CHAT: variants seen among roughly 807,000 people sequenced by gnomAD.
The protein encoded by CHAT is acetyl CoA:choline O-acetyltransferase.
A neutral mutation model predicts 76.9 loss-of-function variants in CHAT; 61 were observed. The observed-to-expected ratio is 0.79, with a 90% CI of 0.65 to 0.98. CHAT has a LOEUF of 0.98. CHAT is among the 50% of genes least tolerant of loss of function. CHAT has a pLI of 0.00. For synonymous variants in CHAT, 407 were observed against 397.4 expected, an observed-to-expected ratio of 1.02 and a Z score of -0.29; for missense variants, 946 against 986.9, an observed-to-expected ratio of 0.96 and a Z score of 0.56.
upstream of CHAT, chr10:49,611,313 C>T: frequency 6.2e-7 from 1 of 1,606,016 alleles, no homozygotes; most frequent in Non-Finnish European, 8.5e-7. Flanking sequence ...GCTCAGCCTT[C>T]GCCGACACGT....
At chr10:49,651,597 C>G (rs749876651) in intron 10 of CHAT, 1 of 436,796 alleles carries the variant, frequency 2.3e-6, no homozygotes, top group Admixed American at 3.5e-5. Context: ...CCCTGACTCA[C>G]TAACACAGCC....
chr10:49,633,307 C>A (rs1008789835), intron 7 of CHAT, among the ~76,000 whole-genome samples: 2 of 152,220 alleles, frequency 1.3e-5, no homozygotes, highest in Non-Finnish European at 2.9e-5. Context: ...CAGGCTGGGA[C>A]CTGCTTACTC....
intron 10 of CHAT, among the ~76,000 whole-genome samples, chr10:49,650,338 C>A (rs1839836032): frequency 1.3e-5 from 2 of 152,082 alleles, no homozygotes; most frequent in Admixed American, 6.5e-5. Flanking sequence ...GACTCCCAGG[C>A]CAAAACATGT....
At chr10:49,610,758 T>C (rs1321656402), upstream of CHAT, 6 of 1,536,528 alleles carry the variant, frequency 3.9e-6, no homozygotes, top group South Asian at 1.3e-5. Context: ...CCGCGGAACC[T>C]GCGGGCCAGG....
chr10:49,642,764 C>T (rs1839528006), intron 7 of CHAT, among the ~76,000 whole-genome samples: 1 of 152,260 alleles, frequency 6.6e-6, no homozygotes, highest in East Asian at 1.9e-4. Flanking sequence ...TAAGCCAGGG[C>T]TCTCAGAGTT....
At chr10:49,633,179 G>C (rs1839182689) in intron 7 of CHAT, among the ~76,000 whole-genome samples, 1 of 152,200 alleles carries the variant, frequency 6.6e-6, no homozygotes, top group African/African-American at 2.4e-5. Flanking sequence ...GGATTGTCTA[G>C]AGCATTCCTT....
At chr10:49,616,014 C>G (rs754875460) in intron 1 of CHAT, 1 of 1,611,066 alleles carries the variant, frequency 6.2e-7, no homozygotes, top group Admixed American at 1.7e-5. Flanking sequence ...TTTCCCTCCA[C>G]CAACGGAGTG....
chr10:49,614,558 A>G, intron 1 of CHAT, 83 bp downstream of exon 1: 4 of 855,550 alleles, frequency 4.7e-6, no homozygotes, highest in Non-Finnish European at 6.8e-6. Flanking sequence ...CAGGGACAGC[A>G]CCGGGGCCGA....
At chr10:49,612,382 AG>A, upstream of CHAT, 1 of 1,539,796 alleles carries the variant, frequency 6.5e-7, no homozygotes, top group South Asian at 1.3e-5. Context: ...CCTTGGGTCA[AG>A]GGGGCTGCTC....
chr10:49,611,916 T>G, upstream of CHAT: 1 of 1,612,368 alleles, frequency 6.2e-7, no homozygotes, highest in Non-Finnish European at 8.5e-7. Context: ...GCCTCTGTTT[T>G]GGCATAGCCC....
At chr10:49,653,654 C>T (rs929599923) in intron 11 of CHAT, among the ~76,000 whole-genome samples, 2 of 152,212 alleles carry the variant, frequency 1.3e-5, no homozygotes, top group African/African-American at 4.8e-5. Context: ...ACTGGGCTTG[C>T]TGCTGAGACT....
chr10:49,610,945 G>A (rs765344370), upstream of CHAT: 8 of 1,610,458 alleles, frequency 5.0e-6, no homozygotes, highest in South Asian at 7.7e-5. Flanking sequence ...CGGGGGCGGC[G>A]AGGGCCCCAC....
intron 7 of CHAT, 141 bp downstream of exon 7, chr10:49,627,926 A>G: frequency 1.1e-6 from 1 of 931,536 alleles, no homozygotes; most frequent in East Asian, 2.6e-5. Context: ...CCCTGCGGCC[A>G]GCCACAGTGC....
chr10:49,623,128 T>C (rs965207757), intron 5 of CHAT, among the ~76,000 whole-genome samples: 2 of 152,198 alleles, frequency 1.3e-5, no homozygotes, highest in Admixed American at 1.3e-4. Context: ...TGTCTCCTCA[T>C]GGTGTGTCTT....
intron 7 of CHAT, among the ~76,000 whole-genome samples, chr10:49,640,871 T>A (rs948278526): frequency 2.0e-5 from 3 of 152,266 alleles, no homozygotes; most frequent in Non-Finnish European, 4.4e-5. Context: ...TTTTTAACTA[T>A]ACCCACTTGT....
At chr10:49,621,549 C>T (rs1372049919) in intron 4 of CHAT, among the ~76,000 whole-genome samples, 2 of 152,060 alleles carry the variant, frequency 1.3e-5, no homozygotes, top group Admixed American at 6.5e-5. Context: ...TCATTAGTAC[C>T]GGGGGGTGGG....
At chr10:49,622,265 G>C in intron 5 of CHAT, 115 bp downstream of exon 5, 1 of 1,144,460 alleles carries the variant, frequency 8.7e-7, no homozygotes. Context: ...TCCTGGCACA[G>C]AGCAGATGTC....
intron 11 of CHAT, 52 bp from the exon 12 acceptor site, chr10:49,655,043 T>A: frequency 6.2e-7 from 1 of 1,607,722 alleles, no homozygotes; most frequent in South Asian, 1.1e-5. Flanking sequence ...TCCGAGTTTA[T>A]GATTTCCCAA....
At chr10:49,637,292 T>G (rs748441295) in intron 7 of CHAT, 6 of 152,224 alleles carry the variant, frequency 3.9e-5, no homozygotes, top group Non-Finnish European at 7.3e-5. Context: ...ACTTTAGCTA[T>G]ATCTCACAAA....
Sources: gnomAD v4.1 joint callset for allele counts (sites outside exome capture counted in the v4.1 genomes callset) on GRCh38, gnomAD v4.1.1 for gene constraint, MANE v1.5 for transcripts, NCBI Gene and HGNC (gene_info 2026-07-23, HGNC 2026-07-21) for gene names.